The following IL17RD variants were observed in gnomAD, a reference collection of about 807,000 sequenced individuals.
IL17RD encodes interleukin-17 receptor D.
A neutral mutation model predicts 80.5 loss-of-function variants in IL17RD; 52 were observed. That is an observed-to-expected ratio of 0.65 (90% CI 0.52 to 0.81). The LOEUF (loss-of-function observed/expected upper bound fraction) is 0.81. Ranked by LOEUF, IL17RD falls within the 40% of genes least tolerant of loss-of-function variation. IL17RD has a pLI of 0.00. For missense variants in IL17RD, 1,024 were observed against 955.1 expected (o/e 1.07, Z -0.95); for synonymous variants, 416 against 391.8 (o/e 1.06, Z -0.73).
chr3:57,165,182 G>C lies in IL17RD; in HGVS notation c.105C>G (p.Gly35=). The C allele has an allele frequency of 1.3e-6, 2 of 1,526,442 alleles. No homozygotes were observed. The highest frequency in any genetic ancestry group is 2.4e-5 in the South Asian group (2 of 81,874). 94.6% of individuals were successfully genotyped at this position (1,526,442 alleles called of 1,614,324 possible). The change falls in exon 1 of 13, where the codon GGC becomes GGG. Residue 35 remains glycine, a synonymous_variant. Coordinates refer to ENST00000296318, the MANE Select transcript of IL17RD (RefSeq NM_017563.5). ...VAAGGSGRAR[G]ADTCGWRGVG... is the part of the protein sequence containing the mutation. ...TTACCCTCCAGCCACAGGTGTCGGC[G>C]CCCCGCGCGCGGCCGGACCCGCCAG...
chr3:57,100,896 GTCT>G, intron 11 of IL17RD, among the ~76,000 whole-genome samples: 1 of 152,318 alleles, frequency 6.6e-6, no homozygotes, highest in African/African-American at 2.4e-5. Flanking sequence ...GAAGCTACTG[GTCT>G]TCTTAATGCT....
At chr3:57,135,916 A>G (rs1241263199) in intron 1 of IL17RD, among the ~76,000 whole-genome samples, 1 of 152,242 alleles carries the variant, frequency 6.6e-6, no homozygotes, top group African/African-American at 2.4e-5. Context: ...CACAGTATAC[A>G]CACGTTGATA....
At position 57,097,770 on chromosome 3, in the gene IL17RD, G is replaced by A. The variant is rs911249816; in HGVS notation, c.1933C>T (p.Pro645Ser). 1.9e-6 allele frequency: 3 copies of A among 1,603,182 alleles called. No homozygotes were observed. The highest frequency in any genetic ancestry group is 2.2e-5 in the South Asian group (2 of 89,086). The change falls in exon 12 of 13, where the codon CCC becomes TCC. Residue 645 changes from proline (P) to serine (S), a missense_variant. Pro to Ser is a moderately conservative substitution (Grantham distance 74). Transcript: ENST00000296318. ...CCGGCTTTCACCGTGTGCAGCAGGGGTTGCAGGGCGGCGCTACCGTCAAGG... is the reference window on the plus strand; with the variant it reads ...CCGGCTTTCACCGTGTGCAGCAGGGATTGCAGGGCGGCGCTACCGTCAAGG... ...PALDGSAALQ[P>S]LLHTVKAGSP...
rs145388838 is a variant in IL17RD at position 57,098,447 on chromosome 3, A to T, written c.1256T>A (p.Ile419Asn). The T allele has an allele frequency of 6.2e-7, 1 of 1,613,992 alleles. No homozygotes were observed. Among genetic ancestry groups the T allele is most frequent in the Admixed American group, 1.7e-5 (1 of 60,022 alleles). Residue 419 changes from isoleucine (I) to asparagine (N), a missense_variant, in exon 12 of 13, where the codon ATT (isoleucine) becomes AAT (asparagine). Ile to Asn is a moderately radical substitution (Grantham distance 149, BLOSUM62 -3). Coordinates refer to ENST00000296318, the MANE Select transcript of IL17RD (RefSeq NM_017563.5). ...CTTCATACCTTTGGAACAAACCACA[A>T]TGATGAACTGGGACTCGTGGATCTT... ...IQKIHESQFI[I>N]VVCSKGMKYF... is the part of the protein sequence containing the mutation.
chr3:57,110,404 C>T, intron 3 of IL17RD, 93 bp from the exon 4 acceptor site: 1 of 1,367,516 alleles, frequency 7.3e-7, no homozygotes, highest in Non-Finnish European at 1.0e-6. Context: ...TCTACCTACA[C>T]ACCAGAGTTA....
chr3:57,096,081 T>A lies in IL17RD; in HGVS notation c.*312A>T. ...AATGATTAGTGCAGGTATCTTCCTG[T>A]TTTTCTTTACATATTTCCTCCCTAC... is the stretch of plus-strand genomic sequence containing the variant. On this transcript the variant is annotated 3_prime_UTR_variant, in exon 13 of 13. Transcript: ENST00000296318. 1 of 308,514 alleles carries A rather than the reference T, an allele frequency of 3.2e-6. No homozygotes were observed. Among genetic ancestry groups the A allele is most frequent in the Non-Finnish European group, 6.1e-6 (1 of 162,668 alleles). The allele number at this position is 308,514 out of a possible 1,614,324, so 19.1% of individuals were successfully genotyped here.
At chr3:57,136,456 A>T (rs1707727864) in intron 1 of IL17RD, among the ~76,000 whole-genome samples, 1 of 152,044 alleles carries the variant, frequency 6.6e-6, no homozygotes, top group Non-Finnish European at 1.5e-5. Flanking sequence ...TCCATCTCAT[A>T]GACCCCATCT....
chr3:57,127,405 TATA>T (rs1707516500), intron 1 of IL17RD, among the ~76,000 whole-genome samples: 1 of 102,856 alleles, frequency 9.7e-6, no homozygotes, highest in African/African-American at 3.9e-5. Context: ...AATATATATA[TATA>T]TATATTTTTT....
intron 1 of IL17RD, among the ~76,000 whole-genome samples, chr3:57,123,988 T>G (rs935261985): frequency 5.9e-5 from 9 of 152,130 alleles, no homozygotes; most frequent in African/African-American, 1.9e-4. Context: ...GAGGTTGCAG[T>G]GAGCCGAGAT....
chr3:57,162,799 T>G (rs1241073493), intron 1 of IL17RD, among the ~76,000 whole-genome samples: 4 of 151,870 alleles, frequency 2.6e-5, no homozygotes, highest in Non-Finnish European at 1.5e-5. Flanking sequence ...AGTGCCTGGC[T>G]AAAGAAACTA....
chr3:57,143,821 G>A (rs1421806291), intron 1 of IL17RD, among the ~76,000 whole-genome samples: 4 of 152,198 alleles, frequency 2.6e-5, no homozygotes, highest in African/African-American at 7.2e-5. Context: ...GAGTGAAGGC[G>A]AGGGGGGCAC....
upstream of IL17RD, among the ~76,000 whole-genome samples, chr3:57,166,452 G>C (rs1295568350): frequency 6.6e-6 from 1 of 152,036 alleles, no homozygotes; most frequent in East Asian, 1.9e-4. Context: ...AGTGAGCTAT[G>C]ATCCTGCCAA....
intron 1 of IL17RD, among the ~76,000 whole-genome samples, chr3:57,139,577 G>C (rs1168901020): frequency 6.7e-6 from 1 of 148,612 alleles, no homozygotes; most frequent in Non-Finnish European, 1.5e-5. Context: ...GCAGTGGCAT[G>C]ATCTCAGCTC....
chr3:57,136,309 G>C (rs1332539094), intron 1 of IL17RD, among the ~76,000 whole-genome samples: 1 of 152,122 alleles, frequency 6.6e-6, no homozygotes, highest in African/African-American at 2.4e-5. Flanking sequence ...TGTAGCCCAG[G>C]TGTGGAAGAA....
intron 5 of IL17RD, 52 bp from the exon 6 acceptor site, chr3:57,106,206 T>C: frequency 7.3e-7 from 1 of 1,361,746 alleles, no homozygotes; most frequent in South Asian, 1.2e-5. Flanking sequence ...GTTAGACATT[T>C]TCCTCTCCCA....
rs150457965 is a variant in IL17RD at position 57,102,580 on chromosome 3, G to A, written c.878C>T (p.Pro293Leu). ...MHYALKPVHS[P>L]WAGPIRAVAI... ...CACGGCTCTGATGGGCCCGGCCCAC[G>A]GGGAGTGCACTGGGAAATTTCAAAG... Residue 293 changes from proline (P) to leucine (L), a missense_variant, in exon 10 of 13, where the codon CCG becomes CTG. Coordinates refer to ENST00000296318, the MANE Select transcript of IL17RD (RefSeq NM_017563.5). 2.6e-4 allele frequency: 394 copies of A among 1,539,656 alleles called. No individual in the cohort carries two copies. In the African/African-American group the frequency reaches 4.6e-3, roughly 18 times the overall value.
intron 1 of IL17RD, among the ~76,000 whole-genome samples, chr3:57,127,231 A>AAAATATATATAAATATATATAT (rs1707482841): frequency 9.6e-6 from 1 of 103,836 alleles, no homozygotes; most frequent in Non-Finnish European, 1.8e-5. Context: ...AATATATATA[A>AAAATATATATAAATATATATAT]AAATATATAA....
At chr3:57,096,645 G>T (rs957504384) in intron 12 of IL17RD, 140 bp from the exon 13 acceptor site, 13 of 664,196 alleles carry the variant, frequency 2.0e-5, no homozygotes, top group Non-Finnish European at 3.0e-5. Flanking sequence ...ACCAACTCAA[G>T]ATGGGGCACT....
At position 57,098,304 on chromosome 3, in the gene IL17RD, TCTGCTTGGC is replaced by T; in HGVS notation, c.1390_1398del (p.Ala464_Gln466del). ...AACTTGCTGAGCGCCGCGGACGAAC[TCTGCTTGGC>T]CTGGCGGAGCTTTTCGGCAATGGCT... On this transcript the variant is annotated inframe_deletion, in exon 12 of 13. Transcript: ENST00000296318. The T allele has an allele frequency of 6.2e-7, 1 of 1,614,010 alleles. No individual in the cohort carries two copies. Among genetic ancestry groups the T allele is most frequent in the Non-Finnish European group, 8.5e-7 (1 of 1,179,892 alleles).
Sources: gnomAD v4.1 joint callset for allele counts (sites outside exome capture counted in the v4.1 genomes callset) on GRCh38, gnomAD v4.1.1 for gene constraint, MANE v1.5 for transcripts, NCBI Gene and HGNC (gene_info 2026-07-23, HGNC 2026-07-21) for gene names.